Variants in ROS1 observed in about 807,000 individuals in gnomAD.
ROS1 encodes the protein proto-oncogene tyrosine-protein kinase ROS.
In ROS1, 263 loss-of-function variants were observed where a neutral mutation model predicts 273.5. The observed-to-expected ratio is 0.96, with a 90% CI of 0.87 to 1.06. The LOEUF is 1.06. Among genes scored for constraint, ROS1 ranks in the 50% least tolerant of loss-of-function variants. The pLI is 0.00. For missense variants in ROS1, 2,833 were observed against 2,751.1 expected (o/e 1.03, Z -0.67); for synonymous variants, 1,008 against 954.1 (o/e 1.06, Z -1.04).
At chr6:117,409,851 T>C (rs1305060970) in intron 4 of ROS1, among the ~76,000 whole-genome samples, 1 of 152,224 alleles carries the variant, frequency 6.6e-6, no homozygotes, top group East Asian at 1.9e-4. Flanking sequence ...CTTGCTAGAC[T>C]GGCATTTCCC....
In ROS1 at chr6:117,414,668, A is replaced by T. The variant is rs1775199643; in HGVS notation, c.229-123T>A. The T allele has an allele frequency of 7.1e-6, 4 of 564,676 alleles. No individual in the cohort carries two copies. In the East Asian group the frequency reaches 1.3e-4, roughly 18 times the overall value. The allele number at this position is 564,676 out of a possible 1,614,324, so 35.0% of individuals were successfully genotyped here. ...CCACCATTGATAAACAACCAAAAAA[A>T]CAACAGAAACAAGGGAGCCCAGAGC... On this transcript the variant is annotated intron_variant, in intron 3 of 43. Coordinates refer to ENST00000368507, the MANE Select transcript of ROS1 (RefSeq NM_001378902.1).
Position 117,308,819 on chromosome 6 carries a change from G to A in ROS1, c.6526C>T (p.Pro2176Ser), listed in dbSNP as rs760792633. 1 of 1,612,930 alleles carries A rather than the reference G, an allele frequency of 6.2e-7. No homozygotes were observed. Among genetic ancestry groups the A allele is most frequent in the Non-Finnish European group, 8.5e-7 (1 of 1,179,450 alleles). ...AGATCATCAGGACAATTTCTTGGTG[G>A]CTCCAGTCTCCCTCCTGTTTGCACA... ...NYVQTGGRLE[P>S]PRNCPDDLWN... The change falls in exon 42 of 44, where the codon CCA (proline) becomes TCA (serine). Residue 2176 changes from proline to serine, a missense_variant. Pro to Ser is a moderately conservative substitution (Grantham distance 74). Coordinates refer to ENST00000368507, the MANE Select transcript of ROS1 (RefSeq NM_001378902.1).
At chr6:117,413,978 G>A (rs935197672) in intron 4 of ROS1, among the ~76,000 whole-genome samples, 1 of 151,824 alleles carries the variant, frequency 6.6e-6, no homozygotes, top group African/African-American at 2.4e-5. Context: ...GAGACTGTGA[G>A]AAGAAAGAAA....
In ROS1 at chr6:117,337,167, C is replaced by T. The variant is rs1777539783; in HGVS notation, c.5230+5G>A. ...TTTCTGAGTATTGAGTATGTTAGTA[C>T]TCACCTTTTGTCTTAAAGCTTTCTG... is the stretch of plus-strand genomic sequence containing the variant. On this transcript the variant is annotated splice_donor_5th_base_variant and intron_variant, in intron 32 of 43. Transcript: ENST00000368507. 2 of 1,609,824 alleles carry T rather than the reference C, an allele frequency of 1.2e-6. No homozygotes were observed. Among genetic ancestry groups the T allele is most frequent in the South Asian group, 1.1e-5 (1 of 90,430 alleles).
chr6:117,294,580 A>G (rs965174324), intron 43 of ROS1, among the ~76,000 whole-genome samples: 3 of 152,164 alleles, frequency 2.0e-5, no homozygotes, highest in African/African-American at 7.2e-5. Flanking sequence ...TTATCATTGA[A>G]ACTCTGAGAT....
chr6:117,309,281 C>G (rs576597235), intron 41 of ROS1, among the ~76,000 whole-genome samples: 1 of 152,224 alleles, frequency 6.6e-6, no homozygotes, highest in South Asian at 2.1e-4. Flanking sequence ...CACAGAAACA[C>G]GTGCACACAC....
At chr6:117,351,794 T>C (rs1044352029) in intron 27 of ROS1, among the ~76,000 whole-genome samples, 14 of 152,192 alleles carry the variant, frequency 9.2e-5, no homozygotes, top group African/African-American at 3.4e-4. Context: ...GGAGTGGCAA[T>C]TTCTAAGCTT....
intron 43 of ROS1, among the ~76,000 whole-genome samples, chr6:117,300,203 G>A (rs937968567): frequency 2.3e-4 from 33 of 146,630 alleles, no homozygotes; most frequent in African/African-American, 3.3e-4. Flanking sequence ...CGCCCGCCTC[G>A]GCCTCCCAAA....
Position 117,380,685 on chromosome 6 carries a change from T to C in ROS1, c.2482-1526A>G, listed in dbSNP as rs148809652. On this transcript the variant is annotated intron_variant, in intron 17 of 43. Transcript: ENST00000368507. ...GTAAAATTCAGGTGTTGAGTCATCA[T>C]CCCATTCCTCCACAGCAGTCAGCAG... Among the ~76,000 whole-genome samples the C allele has an allele frequency of 7.2e-3, 1,096 of 152,170 alleles. 20 individuals are homozygous for C. The highest frequency in any genetic ancestry group is 0.025 in the African/African-American group (1,051 of 41,526).
intron 33 of ROS1, 103 bp downstream of exon 33, chr6:117,329,226 G>T: frequency 1.5e-6 from 1 of 659,938 alleles, no homozygotes; most frequent in Non-Finnish European, 2.7e-6. Context: ...AGATCTTTGT[G>T]TTTGTATATA....
In ROS1 at chr6:117,387,946, G is replaced by A. The variant is rs140323539; in HGVS notation, c.1833C>T (p.Thr611=). 3.7e-5 allele frequency: 60 copies of A among 1,614,004 alleles called. No homozygotes were observed. Among genetic ancestry groups the A allele is most frequent in the Middle Eastern group, 1.6e-4 (1 of 6,084 alleles). Residue 611 remains threonine, a synonymous_variant, in exon 14 of 44, where the codon ACC becomes ACT. Coordinates refer to ENST00000368507, the MANE Select transcript of ROS1 (RefSeq NM_001378902.1). ...TATGAGTGACTTCAGGAGGGTCTTG[G>A]GTGGATACTTTCACCTCATAGGTCC... ...QNWTYEVKVS[T]QDPPEVTHIF... is the part of the protein sequence containing the mutation.
chr6:117,331,216 T>A (rs2128600250), intron 32 of ROS1, among the ~76,000 whole-genome samples: 1 of 152,194 alleles, frequency 6.6e-6, no homozygotes, highest in South Asian at 2.1e-4. Context: ...AACAGCTGAA[T>A]CGACCAAGTG....
At chr6:117,394,431 T>A in intron 10 of ROS1, 85 bp from the exon 11 acceptor site, 2 of 921,680 alleles carry the variant, frequency 2.2e-6, no homozygotes, top group Non-Finnish European at 2.9e-6. Context: ...ATTTATTTAA[T>A]GATTAATAAA....
At chr6:117,300,086 C>CTTTTTTTTTTTTTTTTTTTTTTTTT (rs10700318) in intron 43 of ROS1, among the ~76,000 whole-genome samples, 5 of 31,836 alleles carry the variant, frequency 1.6e-4, no homozygotes, top group Non-Finnish European at 2.1e-4. Context: ...CCAGGACAGG[C>CTTTTTTTTTTTTTTTTTTTTTTTTT]TTTTTTTTTT....
chr6:117,420,088 T>C (rs956209361), intron 1 of ROS1, among the ~76,000 whole-genome samples: 1 of 152,086 alleles, frequency 6.6e-6, no homozygotes, highest in African/African-American at 2.4e-5. Flanking sequence ...ATAAGGTAGC[T>C]GCTATAATTA....
At chr6:117,329,621 CATA>C (rs1323331403) in intron 32 of ROS1, among the ~76,000 whole-genome samples, 175 bp from the exon 33 acceptor site, 4 of 152,028 alleles carry the variant, frequency 2.6e-5, no homozygotes, top group African/African-American at 9.7e-5. Flanking sequence ...TGAAAAAAAC[CATA>C]ATAAGTGTGT....
chr6:117,300,195 C>T (rs1774605610), intron 43 of ROS1, among the ~76,000 whole-genome samples: 1 of 148,932 alleles, frequency 6.7e-6, no homozygotes, highest in Non-Finnish European at 1.5e-5. Flanking sequence ...TCATGATCCG[C>T]CCGCCTCGGC....
At position 117,315,690 on chromosome 6, in the gene ROS1, T is replaced by C. The variant is rs1385162958; in HGVS notation, c.6117+1453A>G. On this transcript the variant is annotated intron_variant, in intron 39 of 43. Coordinates refer to ENST00000368507, the MANE Select transcript of ROS1 (RefSeq NM_001378902.1). Reference sequence around the variant, plus strand: ...AGATTTTTGCTGCACATGCATACTTTCTCTTCTAAAACAAACAAAAAGTCA... The same window carrying C: ...AGATTTTTGCTGCACATGCATACTTCCTCTTCTAAAACAAACAAAAAGTCA... Among the ~76,000 whole-genome samples, 4 of 152,096 alleles carry C rather than the reference T, an allele frequency of 2.6e-5. No individual in the cohort carries two copies. The East Asian group carries it at 7.7e-4, about 29-fold the overall frequency.
intron 25 of ROS1, 36 bp from the exon 26 acceptor site, chr6:117,356,951 G>A (rs1231965213): frequency 6.6e-7 from 1 of 1,517,792 alleles, no homozygotes; most frequent in Non-Finnish European, 9.0e-7. Flanking sequence ...AACTTAATGA[G>A]TAAAATACAT....
Sources: allele counts gnomAD v4.1 joint callset (sites outside exome capture counted in the v4.1 genomes callset), GRCh38; gene constraint gnomAD v4.1.1; transcripts MANE v1.5; gene names NCBI Gene and HGNC (gene_info 2026-07-23, HGNC 2026-07-21).